Variants in OPCML observed in about 807,000 individuals in gnomAD.
OPCML encodes the protein opioid binding protein/cell adhesion molecule like, also known as opioid-binding protein/cell adhesion molecule.
A neutral mutation model predicts 37.8 loss-of-function variants in OPCML; 13 were observed. That is an observed-to-expected ratio of 0.34 (90% CI 0.22 to 0.55). OPCML has a LOEUF of 0.55. Ranked by LOEUF, OPCML falls within the 20% of genes least tolerant of loss-of-function variation. OPCML has a pLI of 0.91. For synonymous variants in OPCML, 176 were observed against 168.8 expected (o/e 1.04, Z -0.33); for missense variants, 341 against 435.6 (o/e 0.78, Z 1.93).
chr11:133,440,854 A>G (rs542719884), intron 1 of OPCML, among the ~76,000 whole-genome samples: 16 of 148,374 alleles, frequency 1.1e-4, no homozygotes, highest in African/African-American at 4.0e-4. Context: ...TATGATTTCT[A>G]TTAGAGCTTG....
intron 2 of OPCML, among the ~76,000 whole-genome samples, chr11:132,731,264 A>G (rs1222145643): frequency 3.3e-5 from 5 of 152,238 alleles, no homozygotes; most frequent in African/African-American, 4.8e-5. Flanking sequence ...ATAGGACCCA[A>G]GAAAGTCAGG....
At chr11:132,477,601 T>C (rs527724026) in intron 4 of OPCML, among the ~76,000 whole-genome samples, 2 of 152,226 alleles carry the variant, frequency 1.3e-5, no homozygotes, top group South Asian at 2.1e-4. Flanking sequence ...AAATGTAAGA[T>C]TGAGAGAGGA....
chr11:133,503,755 A>G (rs888386523), intron 1 of OPCML, among the ~76,000 whole-genome samples: 1 of 152,084 alleles, frequency 6.6e-6, no homozygotes, highest in Non-Finnish European at 1.5e-5. Flanking sequence ...CCCTTTCGCC[A>G]CTCTGACTTC....
At chr11:132,476,060 TCAG>T (rs1484412791) in intron 4 of OPCML, among the ~76,000 whole-genome samples, 35 of 152,300 alleles carry the variant, frequency 2.3e-4, no homozygotes, top group African/African-American at 8.4e-4. Context: ...CTTGACGCTA[TCAG>T]CACTATGTAA....
At chr11:132,709,207 G>A (rs1034526802) in intron 2 of OPCML, among the ~76,000 whole-genome samples, 3 of 152,106 alleles carry the variant, frequency 2.0e-5, no homozygotes, top group East Asian at 1.9e-4. Flanking sequence ...AGCATACTGC[G>A]TGGTTTGTGA....
intron 2 of OPCML, among the ~76,000 whole-genome samples, chr11:132,697,534 T>C (rs2135910372): frequency 6.6e-6 from 1 of 152,332 alleles, no homozygotes; most frequent in Non-Finnish European, 1.5e-5. Context: ...ATGCAAAATT[T>C]TGTCTTCCTA....
chr11:133,020,487 C>T (rs1157583450), intron 1 of OPCML, among the ~76,000 whole-genome samples: 1 of 152,188 alleles, frequency 6.6e-6, no homozygotes, highest in Admixed American at 6.5e-5. Flanking sequence ...GACATTGGCT[C>T]AGCACTGAGA....
chr11:133,056,299 G>A (rs1003836775), intron 1 of OPCML, among the ~76,000 whole-genome samples: 2 of 152,196 alleles, frequency 1.3e-5, no homozygotes, highest in African/African-American at 4.8e-5. Flanking sequence ...AAAAATGAGT[G>A]ACTGAGAGGC....
intron 1 of OPCML, among the ~76,000 whole-genome samples, chr11:133,099,116 C>A (rs146788249): frequency 8.7e-4 from 133 of 152,210 alleles, no homozygotes; most frequent in African/African-American, 3.2e-3. Flanking sequence ...ATAACATATA[C>A]AAGACCTATG....
intron 1 of OPCML, chr11:133,421,706 A>C (rs567253972): frequency 4.4e-4 from 437 of 985,264 alleles, no homozygotes; most frequent in Non-Finnish European, 5.2e-4. Flanking sequence ...ATTGTGTATT[A>C]AGGAATAACC....
intron 1 of OPCML, among the ~76,000 whole-genome samples, chr11:133,219,219 A>G (rs1939710477): frequency 6.6e-6 from 1 of 152,204 alleles, no homozygotes; most frequent in Non-Finnish European, 1.5e-5. Flanking sequence ...TTAGCCAGTG[A>G]GTATTCTGTA....
At chr11:132,763,074 C>T (rs1052362826) in intron 2 of OPCML, among the ~76,000 whole-genome samples, 3 of 152,110 alleles carry the variant, frequency 2.0e-5, no homozygotes, top group Admixed American at 2.0e-4. Flanking sequence ...GAGGGAGTTC[C>T]CTGAACCCTT....
chr11:133,494,113 TA>T (rs200142583), intron 1 of OPCML, among the ~76,000 whole-genome samples: 1 of 151,188 alleles, frequency 6.6e-6, no homozygotes, highest in African/African-American at 2.4e-5. Context: ...AAAAAACACA[TA>T]AAAAAATGCT....
At chr11:132,433,527 G>A (rs903581225) in intron 7 of OPCML, among the ~76,000 whole-genome samples, 2 of 152,196 alleles carry the variant, frequency 1.3e-5, no homozygotes, top group Non-Finnish European at 2.9e-5. Flanking sequence ...AAGTTTAAGT[G>A]AATTGGGATG....
At chr11:133,191,528 T>G (rs1938321440) in intron 1 of OPCML, among the ~76,000 whole-genome samples, 1 of 151,816 alleles carries the variant, frequency 6.6e-6, no homozygotes, top group Admixed American at 6.6e-5. Flanking sequence ...TGTGTGTGTG[T>G]GTGTGTGTGA....
intron 1 of OPCML, among the ~76,000 whole-genome samples, chr11:133,049,615 T>C (rs1948092911): frequency 6.6e-6 from 1 of 152,236 alleles, no homozygotes. Flanking sequence ...TGAAATTGCA[T>C]GTAAATGTGA....
chr11:133,055,540 G>A (rs540753385), intron 1 of OPCML, among the ~76,000 whole-genome samples: 12 of 146,228 alleles, frequency 8.2e-5, no homozygotes, highest in East Asian at 2.1e-4. Context: ...CGCCTCTACC[G>A]TATAATGCTG....
At chr11:132,602,733 G>A (rs530899528) in intron 3 of OPCML, among the ~76,000 whole-genome samples, 174 of 152,298 alleles carry the variant, frequency 1.1e-3, no homozygotes, top group Non-Finnish European at 1.8e-3. Flanking sequence ...GATGATTTGC[G>A]CCACCTAAAT....
At chr11:133,185,124 T>G (rs539716699) in intron 1 of OPCML, among the ~76,000 whole-genome samples, 1 of 152,308 alleles carries the variant, frequency 6.6e-6, no homozygotes, top group Non-Finnish European at 1.5e-5. Flanking sequence ...ATGCAACATA[T>G]TCATAAACTC....
Sources: gnomAD v4.1 joint callset for allele counts (sites outside exome capture counted in the v4.1 genomes callset) on GRCh38, gnomAD v4.1.1 for gene constraint, MANE v1.5 for transcripts, NCBI Gene and HGNC (gene_info 2026-07-23, HGNC 2026-07-21) for gene names.